KCNIP4: variants seen among roughly 807,000 people sequenced by gnomAD.
The protein encoded by KCNIP4 is potassium voltage-gated channel interacting protein 4.
Under a neutral mutation model 34.0 loss-of-function variants are expected in KCNIP4, and 12 were observed. The ratio of observed to expected loss-of-function variants is 0.35; its 90% confidence interval spans 0.23 to 0.57. The LOEUF (loss-of-function observed/expected upper bound fraction) is 0.57. Among genes scored for constraint, KCNIP4 ranks in the 20% least tolerant of loss-of-function variants. The pLI is 0.83. For synonymous variants in KCNIP4, 124 were observed against 102.2 expected, an observed-to-expected ratio of 1.21 and a Z score of -1.29; for missense variants, 238 against 311.7, an observed-to-expected ratio of 0.76 and a Z score of 1.78.
chr4:21,836,628 T>TA (rs1723337976), intron 1 of KCNIP4, among the ~76,000 whole-genome samples: 1 of 152,108 alleles, frequency 6.6e-6, no homozygotes, highest in Admixed American at 6.6e-5. Context: ...CTTCACACTG[T>TA]AAAAAATGCT....
At position 20,728,660 on chromosome 4, in the gene KCNIP4, G is replaced by A. The variant is rs1179651650; in HGVS notation, c.*1422C>T. 1 of 152,484 alleles carries A rather than the reference G, an allele frequency of 6.6e-6. No individual in the cohort carries two copies. The highest frequency in any genetic ancestry group is 1.5e-5 in the Non-Finnish European group (1 of 68,018). 9.4% of individuals were successfully genotyped at this position (152,484 alleles called of 1,614,324 possible). Reference sequence around the variant, plus strand: ...ATTTTTTCTTTTTGAAATACAAAATGTGCACATTGAGTTTACACAAACACG... The same window carrying A: ...ATTTTTTCTTTTTGAAATACAAAATATGCACATTGAGTTTACACAAACACG... On this transcript the variant is annotated 3_prime_UTR_variant, in exon 9 of 9. Transcript: ENST00000382152.
At chr4:21,938,927 G>A (rs141557395) in intron 1 of KCNIP4, among the ~76,000 whole-genome samples, 1 of 152,194 alleles carries the variant, frequency 6.6e-6, no homozygotes, top group East Asian at 1.9e-4. Flanking sequence ...GGAGGTGATT[G>A]ATAAACGCAT....
chr4:20,760,066 A>C (rs2149360439), intron 3 of KCNIP4, among the ~76,000 whole-genome samples: 1 of 152,268 alleles, frequency 6.6e-6, no homozygotes, highest in African/African-American at 2.4e-5. Context: ...ATATTTATTG[A>C]CAAAAATCCA....
At chr4:21,278,309 C>T (rs576498125) in intron 1 of KCNIP4, among the ~76,000 whole-genome samples, 22 of 152,198 alleles carry the variant, frequency 1.4e-4, no homozygotes, top group African/African-American at 5.1e-4. Flanking sequence ...AGGAATTAAG[C>T]GTAGTACCCA....
intron 1 of KCNIP4, among the ~76,000 whole-genome samples, chr4:21,501,503 GA>G (rs1457411557): frequency 3.5e-4 from 53 of 151,858 alleles, no homozygotes; most frequent in African/African-American, 1.2e-3. Flanking sequence ...TTATCAAGCT[GA>G]TACATTACAT....
intron 1 of KCNIP4, among the ~76,000 whole-genome samples, chr4:20,936,302 C>T (rs1448065613): frequency 6.6e-6 from 1 of 152,158 alleles, no homozygotes; most frequent in African/African-American, 2.4e-5. Context: ...AGCCCTTAGA[C>T]TCAGTGGGGA....
At chr4:21,652,513 C>G (rs996492999) in intron 1 of KCNIP4, among the ~76,000 whole-genome samples, 12 of 152,082 alleles carry the variant, frequency 7.9e-5, no homozygotes, top group African/African-American at 2.9e-4. Flanking sequence ...TGTAAGGAGC[C>G]TGAGACATTG....
intron 1 of KCNIP4, among the ~76,000 whole-genome samples, chr4:21,492,537 T>G (rs933174884): frequency 6.6e-6 from 1 of 152,202 alleles, no homozygotes; most frequent in African/African-American, 2.4e-5. Context: ...ATATCATTAT[T>G]GGTTATGCAT....
intron 1 of KCNIP4, among the ~76,000 whole-genome samples, chr4:21,105,980 C>T (rs935284102): frequency 1.2e-3 from 180 of 151,484 alleles, no homozygotes; most frequent in Non-Finnish European, 2.0e-3. Flanking sequence ...TTTTGATGTG[C>T]TGCTGGATTC....
intron 2 of KCNIP4, among the ~76,000 whole-genome samples, chr4:20,853,261 C>T (rs1253442392): frequency 6.6e-6 from 1 of 152,138 alleles, no homozygotes; most frequent in Non-Finnish European, 1.5e-5. Flanking sequence ...CCATAGTCAC[C>T]AAAACAGCGT....
intron 1 of KCNIP4, among the ~76,000 whole-genome samples, chr4:21,086,468 A>G (rs780878027): frequency 6.6e-6 from 1 of 152,240 alleles, no homozygotes; most frequent in Non-Finnish European, 1.5e-5. Context: ...TTGCTCCAAC[A>G]GTAAAGCTGT....
At chr4:21,901,808 T>C (rs1727719022) in intron 1 of KCNIP4, among the ~76,000 whole-genome samples, 1 of 151,976 alleles carries the variant, frequency 6.6e-6, no homozygotes, top group Non-Finnish European at 1.5e-5. Flanking sequence ...AGAGAGACAA[T>C]ATAAAAATGC....
chr4:21,158,858 CTA>C (rs1254467128), intron 1 of KCNIP4, among the ~76,000 whole-genome samples: 1 of 152,058 alleles, frequency 6.6e-6, no homozygotes, highest in Non-Finnish European at 1.5e-5. Context: ...ACAGAACTGT[CTA>C]TGTATAAATT....
chr4:20,784,275 C>T (rs1711626015), intron 3 of KCNIP4, among the ~76,000 whole-genome samples: 1 of 152,042 alleles, frequency 6.6e-6, no homozygotes, highest in Admixed American at 6.6e-5. Context: ...TAATATAAGG[C>T]AAACTGAGGC....
At chr4:21,492,757 T>C (rs180974108) in intron 1 of KCNIP4, among the ~76,000 whole-genome samples, 12 of 152,320 alleles carry the variant, frequency 7.9e-5, no homozygotes, top group African/African-American at 2.6e-4. Flanking sequence ...AAGCCAATTA[T>C]ATTTTAGGAA....
At chr4:21,109,012 G>A (rs1439673243) in intron 1 of KCNIP4, among the ~76,000 whole-genome samples, 1 of 152,174 alleles carries the variant, frequency 6.6e-6, no homozygotes, top group Non-Finnish European at 1.5e-5. Context: ...GCCCCTACTG[G>A]GGGGTGCCTC....
chr4:21,405,073 C>T (rs1723855492), intron 1 of KCNIP4, among the ~76,000 whole-genome samples: 1 of 152,134 alleles, frequency 6.6e-6, no homozygotes, highest in African/African-American at 2.4e-5. Context: ...CTAATCTCAT[C>T]CTCCATCCTC....
intron 1 of KCNIP4, among the ~76,000 whole-genome samples, chr4:21,127,959 A>C (rs1487292364): frequency 6.6e-6 from 1 of 152,372 alleles, no homozygotes; most frequent in East Asian, 1.9e-4. Context: ...GGTATACTGA[A>C]GACATGCTAA....
chr4:21,796,420 G>A (rs1299710047), intron 1 of KCNIP4, among the ~76,000 whole-genome samples: 1 of 152,160 alleles, frequency 6.6e-6, no homozygotes, highest in Non-Finnish European at 1.5e-5. Flanking sequence ...ACGCCAGACT[G>A]TCAAGCTTGG....
Sources: gnomAD v4.1 joint callset for allele counts (sites outside exome capture counted in the v4.1 genomes callset) on GRCh38, gnomAD v4.1.1 for gene constraint, MANE v1.5 for transcripts, NCBI Gene and HGNC (gene_info 2026-07-23, HGNC 2026-07-21) for gene names.